Variants in TNKS observed in about 807,000 individuals in gnomAD.
TNKS encodes the protein tankyrase.
Under a neutral mutation model 135.8 loss-of-function variants are expected in TNKS, and 72 were observed. The observed-to-expected ratio is 0.53, with a 90% confidence interval of 0.44 to 0.64. The LOEUF (loss-of-function observed/expected upper bound fraction) is 0.64. TNKS is among the 30% of genes least tolerant of loss of function. TNKS has a pLI of 0.00. For missense variants in TNKS, 1,769 were observed against 1,674.0 expected, an observed-to-expected ratio of 1.06 and a Z score of -0.99; for synonymous variants, 849 against 649.3, an observed-to-expected ratio of 1.31 and a Z score of -4.68.
intron 12 of TNKS, among the ~76,000 whole-genome samples, chr8:9,721,923 C>T (rs913740073): frequency 2.6e-5 from 4 of 151,724 alleles, no homozygotes; most frequent in Non-Finnish European, 4.4e-5. Flanking sequence ...TGTGGTGGTG[C>T]GTGCCTGTAA....
intron 3 of TNKS, among the ~76,000 whole-genome samples, chr8:9,679,053 A>G (rs1313932980): frequency 3.3e-5 from 5 of 152,116 alleles, no homozygotes; most frequent in African/African-American, 1.2e-4. Context: ...TTAGATCTTG[A>G]ATACCCTAAG....
At chr8:9,767,803 C>T (rs1563221888) in intron 25 of TNKS, among the ~76,000 whole-genome samples, 2 of 151,624 alleles carry the variant, frequency 1.3e-5, no homozygotes, top group Non-Finnish European at 2.9e-5. Flanking sequence ...ACTAAAAATA[C>T]AAAAAATTAG....
intron 14 of TNKS, among the ~76,000 whole-genome samples, chr8:9,732,750 A>C (rs1361329813): frequency 1.3e-5 from 2 of 152,154 alleles, no homozygotes; most frequent in African/African-American, 4.8e-5. Context: ...CCCATTTCTC[A>C]TCTGAGTAGA....
intron 2 of TNKS, among the ~76,000 whole-genome samples, chr8:9,592,518 G>C (rs924324880): frequency 6.6e-6 from 1 of 152,150 alleles, no homozygotes; most frequent in Non-Finnish European, 1.5e-5. Flanking sequence ...TCTGTGCACT[G>C]AGTATGTTTA....
chr8:9,770,946 A>G (rs751830290), intron 26 of TNKS, among the ~76,000 whole-genome samples: 9 of 152,160 alleles, frequency 5.9e-5, no homozygotes, highest in African/African-American at 9.7e-5. Context: ...CAAAATTCTC[A>G]TGGTAGAAGA....
At chr8:9,581,824 C>T (rs1798178109) in intron 2 of TNKS, among the ~76,000 whole-genome samples, 1 of 152,122 alleles carries the variant, frequency 6.6e-6, no homozygotes, top group African/African-American at 2.4e-5. Context: ...TTTCTCGCCT[C>T]CTCCTCTTAA....
chr8:9,651,593 C>G (rs1443512154), intron 3 of TNKS, among the ~76,000 whole-genome samples: 1 of 152,142 alleles, frequency 6.6e-6, no homozygotes, highest in Non-Finnish European at 1.5e-5. Context: ...ATTGGATACT[C>G]TCAAGAAATA....
intron 17 of TNKS, chr8:9,741,834 A>G (rs767304118): frequency 1.4e-5 from 5 of 363,644 alleles, no homozygotes; most frequent in South Asian, 2.4e-5. Context: ...GTGTAATGCA[A>G]TCGGTCTCCT....
At chr8:9,715,076 C>T (rs1804538909) in intron 11 of TNKS, among the ~76,000 whole-genome samples, 2 of 152,152 alleles carry the variant, frequency 1.3e-5, no homozygotes, top group South Asian at 4.2e-4. Context: ...ATCACAGTGT[C>T]TACAGAGTAC....
At chr8:9,744,894 A>G (rs941608266) in intron 17 of TNKS, among the ~76,000 whole-genome samples, 2 of 152,252 alleles carry the variant, frequency 1.3e-5, no homozygotes, top group African/African-American at 4.8e-5. Flanking sequence ...TATAACTTCA[A>G]TATAAAGAAA....
intron 3 of TNKS, among the ~76,000 whole-genome samples, chr8:9,639,173 C>G (rs2033428443): frequency 6.6e-6 from 1 of 152,118 alleles, no homozygotes; most frequent in Non-Finnish European, 1.5e-5. Context: ...CTATGTTATT[C>G]AGAGCAAATA....
intron 2 of TNKS, among the ~76,000 whole-genome samples, chr8:9,611,997 G>C (rs1799481432): frequency 6.6e-6 from 1 of 151,844 alleles, no homozygotes; most frequent in African/African-American, 2.4e-5. Flanking sequence ...TTTATTTTTT[G>C]AATATTTTAG....
At chr8:9,674,501 A>C (rs942293985) in intron 3 of TNKS, among the ~76,000 whole-genome samples, 1 of 152,208 alleles carries the variant, frequency 6.6e-6, no homozygotes, top group Non-Finnish European at 1.5e-5. Flanking sequence ...ATGCTCATTA[A>C]AAACACTGCA....
intron 3 of TNKS, among the ~76,000 whole-genome samples, chr8:9,647,822 A>G (rs928907211): frequency 2.0e-5 from 3 of 152,204 alleles, no homozygotes; most frequent in African/African-American, 7.2e-5. Context: ...GTCATTAGGT[A>G]GTTGTCATTG....
chr8:9,623,487 A>C (rs185798009), intron 3 of TNKS, among the ~76,000 whole-genome samples: 2 of 149,528 alleles, frequency 1.3e-5, no homozygotes, highest in African/African-American at 2.5e-5. Context: ...TGTTCGTACT[A>C]TATAGTGTGC....
chr8:9,602,664 T>C (rs988629348), intron 2 of TNKS, among the ~76,000 whole-genome samples: 2 of 152,222 alleles, frequency 1.3e-5, no homozygotes, highest in African/African-American at 2.4e-5. Flanking sequence ...GGAGACTCTA[T>C]ATTTTAGAGT....
intron 3 of TNKS, among the ~76,000 whole-genome samples, chr8:9,641,377 G>A (rs1406033755): frequency 2.1e-5 from 3 of 144,114 alleles, no homozygotes; most frequent in Non-Finnish European, 4.5e-5. Context: ...TTCAAACTGG[G>A]TAATTGAGAT....
At chr8:9,568,853 T>C (rs533469487) in intron 1 of TNKS, among the ~76,000 whole-genome samples, 1 of 152,326 alleles carries the variant, frequency 6.6e-6, no homozygotes, top group African/African-American at 2.4e-5. Flanking sequence ...TAAGGGTTAG[T>C]TGCAACGTAG....
At chr8:9,624,552 G>T (rs1244653344) in intron 3 of TNKS, among the ~76,000 whole-genome samples, 2 of 152,156 alleles carry the variant, frequency 1.3e-5, no homozygotes, top group East Asian at 3.8e-4. Flanking sequence ...TCACAGCCAG[G>T]ATATTGACAT....
Sources: gnomAD v4.1 joint callset for allele counts (sites outside exome capture counted in the v4.1 genomes callset) on GRCh38, gnomAD v4.1.1 for gene constraint, MANE v1.5 for transcripts, NCBI Gene and HGNC (gene_info 2026-07-23, HGNC 2026-07-21) for gene names.